Variants in MINDY3 observed in about 807,000 individuals in gnomAD.
The protein encoded by MINDY3 is MINDY lysine 48 deubiquitinase 3.
A neutral mutation model predicts 69.2 loss-of-function variants in MINDY3; 38 were observed. The ratio of observed to expected loss-of-function variants is 0.55; its 90% CI spans 0.42 to 0.72. The LOEUF is 0.72. Ranked by LOEUF, MINDY3 falls within the 30% of genes least tolerant of loss-of-function variation. The probability of loss-of-function intolerance (pLI) is 0.00; values close to 1 mark genes in which losing one functional copy is unlikely to be tolerated. For synonymous variants in MINDY3, 192 were observed against 180.1 expected, an observed-to-expected ratio of 1.07 and a Z score of -0.53; for missense variants, 522 against 519.0, an observed-to-expected ratio of 1.01 and a Z score of -0.06.
intron 1 of MINDY3, among the ~76,000 whole-genome samples, chr10:15,849,298 C>T (rs116065123): frequency 0.015 from 2,288 of 152,220 alleles, 46 homozygotes; most frequent in African/African-American, 0.049. Context: ...GAAAATTTAA[C>T]ACAGCTAAAG....
At chr10:15,798,520 G>A (rs1171598481) in intron 10 of MINDY3, among the ~76,000 whole-genome samples, 13 of 148,760 alleles carry the variant, frequency 8.7e-5, no homozygotes, top group Non-Finnish European at 1.5e-5. Context: ...TGTCACGCCT[G>A]TAATCCCAGG....
At chr10:15,785,570 G>A (rs1462706076) in intron 13 of MINDY3, among the ~76,000 whole-genome samples, 5 of 148,596 alleles carry the variant, frequency 3.4e-5, no homozygotes, top group African/African-American at 1.3e-4. Flanking sequence ...TGAACAAAGA[G>A]GATATCACAC....
At chr10:15,816,717 C>G in intron 10 of MINDY3, 118 bp downstream of exon 10, 4 of 698,730 alleles carry the variant, frequency 5.7e-6, no homozygotes, top group Non-Finnish European at 9.9e-6. Context: ...GATTTTTGAA[C>G]AATTCATTTG....
chr10:15,842,256 T>C (rs993478597), intron 3 of MINDY3, among the ~76,000 whole-genome samples: 1 of 151,920 alleles, frequency 6.6e-6, no homozygotes, highest in African/African-American at 2.4e-5. Flanking sequence ...AAAAATTTTA[T>C]GATACAAGGA....
chr10:15,805,419 A>AGAT (rs1379589539), intron 10 of MINDY3, among the ~76,000 whole-genome samples: 2 of 152,294 alleles, frequency 1.3e-5, no homozygotes, highest in East Asian at 3.9e-4. Flanking sequence ...CTGGTAATAC[A>AGAT]GATAGAGGTA....
intron 12 of MINDY3, 49 bp from the exon 13 acceptor site, chr10:15,786,697 G>A: frequency 4.6e-6 from 5 of 1,094,276 alleles, no homozygotes; most frequent in Admixed American, 2.1e-5. Context: ...AAAAAAAAAA[G>A]CTGCTTTTCT....
Position 15,843,230 on chromosome 10 carries a change from A to G in MINDY3, c.217T>C (p.Ser73Pro). The G allele has an allele frequency of 3.1e-6, 5 of 1,613,092 alleles. No homozygotes were observed. Among genetic ancestry groups the G allele is most frequent in the South Asian group, 1.1e-5 (1 of 91,032 alleles). The change falls in exon 3 of 15, where the codon TCT becomes CCT. Residue 73 changes from serine to proline, a missense_variant. Physicochemically the swap from Ser to Pro is moderately conservative, Grantham distance 74. Transcript: ENST00000277632. ...KKLLFSSEKS[S>P]WRDCSEEEQK... is the part of the protein sequence containing the mutation. ...ATCATACCTGAACAATCCCGCCAAG[A>G]AGACTTCTCCGAAGAAAACAGGAGC...
At chr10:15,848,573 G>A (rs1834019172) in intron 1 of MINDY3, among the ~76,000 whole-genome samples, 1 of 127,452 alleles carries the variant, frequency 7.8e-6, no homozygotes, top group Admixed American at 9.9e-5. Flanking sequence ...GGCGGAGCTT[G>A]CACTGAGCTG....
chr10:15,836,260 C>A (rs985518339), intron 6 of MINDY3, among the ~76,000 whole-genome samples: 1 of 151,930 alleles, frequency 6.6e-6, no homozygotes, highest in Admixed American at 6.6e-5. Context: ...TCCAGCTTTC[C>A]CATATAGAAA....
Position 15,831,707 on chromosome 10 carries a change from G to C in MINDY3, c.730+1923C>G, listed in dbSNP as rs909666639. ...TTTTTTTTTTTTGAGATGGAGTCTC[G>C]CTCTATTGCTCAGGCTGGAGTGCCG... On this transcript the variant is annotated intron_variant, in intron 8 of 14. Transcript: ENST00000277632. Among the ~76,000 whole-genome samples, 3 of 134,182 alleles carry C rather than the reference G, an allele frequency of 2.2e-5. No individual in the cohort carries two copies. In the East Asian group the frequency reaches 6.3e-4, roughly 28 times the overall value. 88.0% of individuals were successfully genotyped at this position (134,182 alleles called of 152,430 possible).
At chr10:15,783,399 C>A (rs556699382) in intron 13 of MINDY3, among the ~76,000 whole-genome samples, 6 of 152,290 alleles carry the variant, frequency 3.9e-5, no homozygotes, top group Middle Eastern at 3.4e-3. Flanking sequence ...CTGTTTTGGA[C>A]AAGCATGACT....
At chr10:15,803,458 C>A (rs758569310) in intron 10 of MINDY3, among the ~76,000 whole-genome samples, 16 of 152,042 alleles carry the variant, frequency 1.1e-4, no homozygotes, top group Non-Finnish European at 1.9e-4. Context: ...AGAGGTATAA[C>A]TGCCGTATTT....
At chr10:15,857,861 T>C in intron 1 of MINDY3, 1 of 706,278 alleles carries the variant, frequency 1.4e-6, no homozygotes, top group Non-Finnish European at 1.7e-6. Context: ...AGATGAAATA[T>C]CTCTAGACAT....
chr10:15,785,354 C>T (rs1164448586), intron 13 of MINDY3, among the ~76,000 whole-genome samples: 1 of 152,148 alleles, frequency 6.6e-6, no homozygotes, highest in Non-Finnish European at 1.5e-5. Context: ...AAAATTACTA[C>T]AAGTAACTGT....
intron 14 of MINDY3, among the ~76,000 whole-genome samples, chr10:15,781,029 T>C (rs908980080): frequency 5.9e-4 from 90 of 152,254 alleles, no homozygotes; most frequent in Non-Finnish European, 1.1e-3. Context: ...TAATTAGTGA[T>C]TATAAAGTAC....
At chr10:15,808,785 G>C (rs1239843161) in intron 10 of MINDY3, among the ~76,000 whole-genome samples, 1 of 151,972 alleles carries the variant, frequency 6.6e-6, no homozygotes, top group African/African-American at 2.4e-5. Flanking sequence ...CCATAAAAGA[G>C]AACAAAAAAG....
intron 1 of MINDY3, among the ~76,000 whole-genome samples, chr10:15,854,493 T>G (rs899650721): frequency 6.6e-6 from 1 of 152,150 alleles, no homozygotes; most frequent in Non-Finnish European, 1.5e-5. Context: ...CAATCATTTT[T>G]AACACTGTAA....
chr10:15,807,395 G>A (rs914304840), intron 10 of MINDY3, among the ~76,000 whole-genome samples: 3 of 152,166 alleles, frequency 2.0e-5, no homozygotes, highest in Non-Finnish European at 4.4e-5. Context: ...CAGGAATGCT[G>A]AGCAAGACTT....
At chr10:15,832,108 G>A (rs984008618) in intron 8 of MINDY3, among the ~76,000 whole-genome samples, 4 of 152,152 alleles carry the variant, frequency 2.6e-5, no homozygotes, top group Non-Finnish European at 5.9e-5. Flanking sequence ...TTGGGGACTA[G>A]GGTAAGCTAT....
Sources: gnomAD v4.1 joint callset for allele counts (sites outside exome capture counted in the v4.1 genomes callset) on GRCh38, gnomAD v4.1.1 for gene constraint, MANE v1.5 for transcripts, NCBI Gene and HGNC (gene_info 2026-07-23, HGNC 2026-07-21) for gene names.